FMN2: variants seen among roughly 807,000 people sequenced by gnomAD.
FMN2 encodes the protein formin 2, also known as formin-2.
In FMN2, 51 loss-of-function variants were observed where a neutral mutation model predicts 142.3. The ratio of observed to expected loss-of-function variants is 0.36; its 90% CI spans 0.29 to 0.45. FMN2 has a LOEUF of 0.45. FMN2 is among the 20% of genes least tolerant of loss of function. The probability of loss-of-function intolerance (pLI) is 1.00; values close to 1 mark genes in which losing one functional copy is unlikely to be tolerated. For missense variants in FMN2, 1,936 were observed against 2,122.8 expected, an observed-to-expected ratio of 0.91 and a Z score of 1.73; for synonymous variants, 882 against 869.8, an observed-to-expected ratio of 1.01 and a Z score of -0.25.
Position 240,474,171 on chromosome 1 carries a change from T to A in FMN2, c.*17T>A. 1.3e-6 allele frequency: 2 copies of A among 1,544,676 alleles called. No individual in the cohort carries two copies. The highest frequency in any genetic ancestry group is 1.3e-5 in the South Asian group (1 of 79,140). On this transcript the variant is annotated 3_prime_UTR_variant, in exon 18 of 18. Coordinates refer to ENST00000319653, the MANE Select transcript of FMN2 (RefSeq NM_020066.5). Reference sequence around the variant, plus strand: ...AAAACTTGAACAATGAAAAGCAGAATGAAAATGAGTCATTGCAACGACTTT... The same window carrying A: ...AAAACTTGAACAATGAAAAGCAGAAAGAAAATGAGTCATTGCAACGACTTT...
intron 7 of FMN2, among the ~76,000 whole-genome samples, chr1:240,269,071 A>G (rs1360405290): frequency 6.6e-6 from 1 of 151,814 alleles, no homozygotes; most frequent in African/African-American, 2.4e-5. Context: ...CCATTTGTCT[A>G]TTTTCTACTT....
chr1:240,127,839 A>C (rs1571956985), intron 2 of FMN2, among the ~76,000 whole-genome samples: 1 of 152,194 alleles, frequency 6.6e-6, no homozygotes, highest in East Asian at 1.9e-4. Flanking sequence ...GCAGGAAGGC[A>C]GGTGGGATAT....
At chr1:240,146,146 G>A (rs1215870530) in intron 2 of FMN2, among the ~76,000 whole-genome samples, 7 of 151,738 alleles carry the variant, frequency 4.6e-5, no homozygotes, top group African/African-American at 1.7e-4. Context: ...TACTTTGGGA[G>A]GCCAAGGTGG....
chr1:240,314,154 T>C (rs1321593199), intron 8 of FMN2, among the ~76,000 whole-genome samples: 1 of 152,196 alleles, frequency 6.6e-6, no homozygotes, highest in Non-Finnish European at 1.5e-5. Flanking sequence ...TTAATTATCA[T>C]ATAAGAATTC....
chr1:240,110,493 G>T (rs530390431), intron 1 of FMN2, among the ~76,000 whole-genome samples: 1 of 152,294 alleles, frequency 6.6e-6, no homozygotes, highest in South Asian at 2.1e-4. Context: ...CTTCTTCATT[G>T]TGCAAGAGGA....
chr1:240,334,896 A>G (rs1205253551), intron 13 of FMN2, among the ~76,000 whole-genome samples: 1 of 152,142 alleles, frequency 6.6e-6, no homozygotes, highest in African/African-American at 2.4e-5. Context: ...TTCTTGCTGT[A>G]TTACATACAG....
intron 13 of FMN2, among the ~76,000 whole-genome samples, chr1:240,354,105 A>C (rs1672189899): frequency 6.6e-6 from 1 of 152,172 alleles, no homozygotes; most frequent in African/African-American, 2.4e-5. Flanking sequence ...GGCAGAGGTC[A>C]CTGAACAGTT....
At chr1:240,369,108 C>T (rs1353375985) in intron 14 of FMN2, among the ~76,000 whole-genome samples, 7 of 152,110 alleles carry the variant, frequency 4.6e-5, no homozygotes, top group Admixed American at 3.3e-4. Context: ...TACATAGCTG[C>T]GATTTTGTAC....
At chr1:240,107,383 T>G (rs1661653379) in intron 1 of FMN2, among the ~76,000 whole-genome samples, 1 of 152,184 alleles carries the variant, frequency 6.6e-6, no homozygotes, top group South Asian at 2.1e-4. Flanking sequence ...TTCCTTTTAT[T>G]TGAGACTGCT....
chr1:240,298,891 T>C (rs1429694973), intron 8 of FMN2, among the ~76,000 whole-genome samples: 1 of 152,210 alleles, frequency 6.6e-6, no homozygotes, highest in East Asian at 1.9e-4. Flanking sequence ...CTTTTTGCTT[T>C]ATGTTATCTT....
intron 2 of FMN2, among the ~76,000 whole-genome samples, chr1:240,133,932 G>A (rs761325533): frequency 6.6e-6 from 1 of 152,190 alleles, no homozygotes; most frequent in Non-Finnish European, 1.5e-5. Flanking sequence ...CCCCAGAGTA[G>A]TTAGGAGTGG....
chr1:240,158,604 C>G (rs908530088), intron 2 of FMN2, among the ~76,000 whole-genome samples: 17 of 152,118 alleles, frequency 1.1e-4, no homozygotes, highest in African/African-American at 4.1e-4. Flanking sequence ...ATCTCCCCCC[C>G]ACCACGCCTG....
intron 6 of FMN2, among the ~76,000 whole-genome samples, chr1:240,247,968 C>G (rs1485533385): frequency 6.6e-6 from 1 of 151,894 alleles, no homozygotes; most frequent in Non-Finnish European, 1.5e-5. Flanking sequence ...ATTTCAAGTC[C>G]TTTCTTCTAG....
chr1:240,346,911 A>T (rs1187460807), intron 13 of FMN2, among the ~76,000 whole-genome samples: 2 of 152,218 alleles, frequency 1.3e-5, no homozygotes, highest in Admixed American at 1.3e-4. Flanking sequence ...TTTGCGCATG[A>T]TGGTGCTAAT....
chr1:240,407,048 C>T (rs1572275292), intron 15 of FMN2, among the ~76,000 whole-genome samples: 1 of 151,964 alleles, frequency 6.6e-6, no homozygotes, highest in Non-Finnish European at 1.5e-5. Context: ...TTAAAAGTAG[C>T]ATGAAGAAAT....
At chr1:240,310,687 A>C (rs771187573) in intron 8 of FMN2, among the ~76,000 whole-genome samples, 1 of 152,190 alleles carries the variant, frequency 6.6e-6, no homozygotes, top group Non-Finnish European at 1.5e-5. Flanking sequence ...AACTATATCT[A>C]TTGCTTCTGA....
At chr1:240,187,651 CTT>C (rs1314593795) in intron 3 of FMN2, among the ~76,000 whole-genome samples, 1 of 152,160 alleles carries the variant, frequency 6.6e-6, no homozygotes, top group Non-Finnish European at 1.5e-5. Flanking sequence ...TGCCTTAGGT[CTT>C]TTTAGAATGA....
chr1:240,145,082 C>T, intron 2 of FMN2: 1 of 1,434,966 alleles, frequency 7.0e-7, no homozygotes, highest in Non-Finnish European at 9.8e-7. Flanking sequence ...TGGACGCAGA[C>T]ATTTGAGAGA....
intron 15 of FMN2, among the ~76,000 whole-genome samples, chr1:240,406,106 G>C (rs1432661138): frequency 4.0e-4 from 40 of 100,718 alleles, no homozygotes; most frequent in African/African-American, 1.6e-3. Flanking sequence ...CCTCGGGAGT[G>C]GGGGAAGCGA....
Sources: allele counts gnomAD v4.1 joint callset (sites outside exome capture counted in the v4.1 genomes callset), GRCh38; gene constraint gnomAD v4.1.1; transcripts MANE v1.5; gene names NCBI Gene and HGNC (gene_info 2026-07-23, HGNC 2026-07-21).